Variants in CENPP observed in about 807,000 individuals in gnomAD.
CENPP encodes the protein centromere protein P.
In CENPP, 24 loss-of-function variants were observed where a neutral mutation model predicts 35.6. That is an observed-to-expected ratio of 0.67 (90% CI 0.49 to 0.95). The LOEUF is 0.95. CENPP is among the 40% of genes least tolerant of loss of function. The probability of loss-of-function intolerance (pLI) is 0.00; values close to 1 mark genes in which losing one functional copy is unlikely to be tolerated. For missense variants in CENPP, 332 were observed against 345.3 expected (o/e 0.96, Z 0.31); for synonymous variants, 120 against 125.5 (o/e 0.96, Z 0.29).
At chr9:92,609,017 G>C (rs1160667675) in intron 5 of CENPP, among the ~76,000 whole-genome samples, 1 of 152,236 alleles carries the variant, frequency 6.6e-6, no homozygotes, top group Non-Finnish European at 1.5e-5. Context: ...CCTGGAAGCT[G>C]AGCTGCCACG....
intron 5 of CENPP, chr9:92,493,961 A>G (rs1429021374): frequency 2.5e-6 from 2 of 804,620 alleles, no homozygotes; most frequent in African/African-American, 1.7e-5. Context: ...CAGGCCGTTG[A>G]GGGTGGCCGT....
At chr9:92,558,174 G>A (rs897661348) in intron 5 of CENPP, among the ~76,000 whole-genome samples, 4 of 152,200 alleles carry the variant, frequency 2.6e-5, no homozygotes, top group African/African-American at 9.6e-5. Context: ...TGGATCCATT[G>A]CTGGTGAACT....
At chr9:92,380,381 A>G (rs1047402370) in intron 5 of CENPP, among the ~76,000 whole-genome samples, 1 of 152,170 alleles carries the variant, frequency 6.6e-6, no homozygotes, top group Non-Finnish European at 1.5e-5. Flanking sequence ...GTTTGGTTGC[A>G]TCGTAATACC....
intron 5 of CENPP, among the ~76,000 whole-genome samples, chr9:92,568,964 G>A (rs1160527620): frequency 2.6e-5 from 4 of 152,012 alleles, no homozygotes; most frequent in African/African-American, 4.8e-5. Context: ...TAAGTACTTT[G>A]TAGATTCTGG....
At chr9:92,374,679 A>G (rs1043806194) in intron 4 of CENPP, among the ~76,000 whole-genome samples, 1 of 152,210 alleles carries the variant, frequency 6.6e-6, no homozygotes, top group African/African-American at 2.4e-5. Context: ...ATTAACATAG[A>G]TTAGTAATTT....
At chr9:92,532,044 T>TTTTTTTTTTTTTC (rs1848828968) in intron 5 of CENPP, among the ~76,000 whole-genome samples, 1 of 145,434 alleles carries the variant, frequency 6.9e-6, no homozygotes, top group Admixed American at 6.8e-5. Context: ...ATTTTTTTTT[T>TTTTTTTTTTTTTC]GAGATGAGGT....
chr9:92,551,925 G>GTGTA lies in CENPP; in HGVS notation c.565-59388_565-59387insGTAT, dbSNP rs1176239722. On this transcript the variant is annotated intron_variant, in intron 5 of 7. Transcript: ENST00000375587. Reference sequence around the variant, plus strand: ...CATTTGTTATATATATGGTGTGTGTGTATATATATATATATATATATATAT... The same window carrying GTGTA: ...CATTTGTTATATATATGGTGTGTGTGTGTATATATATATATATATATATATATAT... Among the ~76,000 whole-genome samples, 184 of 84,510 alleles carry GTGTA rather than the reference G, an allele frequency of 2.2e-3. 10 individuals are homozygous for GTGTA. Among genetic ancestry groups the GTGTA allele is most frequent in the African/African-American group, 8.0e-3 (98 of 12,318 alleles). The allele number at this position is 84,510 out of a possible 152,430, so 55.4% of individuals were successfully genotyped here. A position where few individuals can be genotyped will look rare whatever the true frequency, so the allele number is the denominator to read the frequency against.
chr9:92,365,297 G>T lies in CENPP; in HGVS notation c.468-14466G>T, dbSNP rs141315274. ...AGGCCTCATTGAGAATGTGACCTAGGAGTACATGGAGGAGGTTGCCTGGCC... is the reference window on the plus strand; with the variant it reads ...AGGCCTCATTGAGAATGTGACCTAGTAGTACATGGAGGAGGTTGCCTGGCC... On this transcript the variant is annotated intron_variant, in intron 4 of 7. Coordinates refer to ENST00000375587, the MANE Select transcript of CENPP (RefSeq NM_001012267.3). 1.8e-3 allele frequency among the ~76,000 whole-genome samples: 272 copies of T among 152,054 alleles called. 1 individual carries two copies. Among genetic ancestry groups the T allele is most frequent in the African/African-American group, 6.2e-3 (259 of 41,472 alleles).
chr9:92,532,037 T>TTTTTTTTTTTTTTTTTTTTTTTTTTC (rs1400197124), intron 5 of CENPP, among the ~76,000 whole-genome samples: 1 of 138,564 alleles, frequency 7.2e-6, no homozygotes, highest in African/African-American at 2.9e-5. Flanking sequence ...TTATTTTATT[T>TTTTTTTTTTTTTTTTTTTTTTTTTTC]TTTTTTTGAG....
intron 4 of CENPP, among the ~76,000 whole-genome samples, chr9:92,370,246 G>A (rs1348129503): frequency 1.3e-5 from 2 of 152,114 alleles, no homozygotes; most frequent in African/African-American, 4.8e-5. Context: ...TTTTGCATCT[G>A]TGTTCATCAG....
intron 5 of CENPP, among the ~76,000 whole-genome samples, chr9:92,530,189 C>T (rs902146239): frequency 3.9e-5 from 6 of 152,050 alleles, no homozygotes; most frequent in Admixed American, 6.6e-5. Flanking sequence ...TACCAAGGGA[C>T]GACAGTACTA....
At chr9:92,531,625 C>G (rs1194056912) in intron 5 of CENPP, among the ~76,000 whole-genome samples, 1 of 152,082 alleles carries the variant, frequency 6.6e-6, no homozygotes, top group African/African-American at 2.4e-5. Flanking sequence ...TAGTACCTTC[C>G]TCCTAGTTGT....
intron 5 of CENPP, among the ~76,000 whole-genome samples, chr9:92,458,411 C>T (rs974057149): frequency 6.6e-6 from 1 of 152,132 alleles, no homozygotes; most frequent in African/African-American, 2.4e-5. Context: ...CTTAGTAAGA[C>T]TGATATGAGA....
chr9:92,469,314 G>A (rs1036647895), intron 5 of CENPP, among the ~76,000 whole-genome samples: 2 of 152,204 alleles, frequency 1.3e-5, no homozygotes, highest in African/African-American at 4.8e-5. Flanking sequence ...GAGCAGACAA[G>A]GTGCTGGCTA....
intron 5 of CENPP, among the ~76,000 whole-genome samples, chr9:92,497,234 G>A (rs1019808710): frequency 1.3e-5 from 2 of 152,162 alleles, no homozygotes; most frequent in Non-Finnish European, 2.9e-5. Flanking sequence ...GGAACTGATT[G>A]AATAAAATAT....
At chr9:92,377,536 C>T (rs1265569382) in intron 4 of CENPP, among the ~76,000 whole-genome samples, 2 of 152,144 alleles carry the variant, frequency 1.3e-5, no homozygotes, top group Non-Finnish European at 2.9e-5. Context: ...TACTACAAAA[C>T]GCTCTTAGCC....
intron 5 of CENPP, among the ~76,000 whole-genome samples, chr9:92,491,262 A>ATAAT (rs1846165427): frequency 1.3e-5 from 2 of 152,272 alleles, no homozygotes; most frequent in South Asian, 4.1e-4. Flanking sequence ...GACCTACCTA[A>ATAAT]TAATACCAGA....
chr9:92,599,789 G>A (rs565514215), intron 5 of CENPP, among the ~76,000 whole-genome samples: 55 of 152,286 alleles, frequency 3.6e-4, no homozygotes, highest in African/African-American at 1.1e-3. Context: ...ACTATTAAAA[G>A]TATGGTGTAG....
At chr9:92,369,294 G>A (rs538549905) in intron 4 of CENPP, among the ~76,000 whole-genome samples, 1 of 152,306 alleles carries the variant, frequency 6.6e-6, no homozygotes, top group South Asian at 2.1e-4. Flanking sequence ...GGTTGAGGCA[G>A]TGTAAGCCGG....
Sources: allele counts gnomAD v4.1 joint callset (sites outside exome capture counted in the v4.1 genomes callset), GRCh38; gene constraint gnomAD v4.1.1; transcripts MANE v1.5; gene names NCBI Gene and HGNC (gene_info 2026-07-23, HGNC 2026-07-21).